Variants in MACROD2 observed in about 807,000 individuals in gnomAD.
The protein encoded by MACROD2 is ADP-ribose glycohydrolase MACROD2.
In MACROD2, 36 loss-of-function variants were observed where a neutral mutation model predicts 70.4. The observed-to-expected ratio is 0.51, with a 90% CI of 0.39 to 0.68. MACROD2 has a LOEUF of 0.68. Among genes scored for constraint, MACROD2 ranks in the 30% least tolerant of loss-of-function variants. The pLI is 0.00. For synonymous variants in MACROD2, 172 were observed against 178.8 expected, an observed-to-expected ratio of 0.96 and a Z score of 0.30; for missense variants, 496 against 538.4, an observed-to-expected ratio of 0.92 and a Z score of 0.78.
chr20:14,431,680 G>A (rs17226992), intron 3 of MACROD2, among the ~76,000 whole-genome samples: 3,770 of 152,190 alleles, frequency 0.025, 78 homozygotes, highest in Non-Finnish European at 0.038. Flanking sequence ...GAAAGGCATC[G>A]AATAACTATA....
intron 5 of MACROD2, among the ~76,000 whole-genome samples, chr20:14,763,779 C>T (rs566843866): frequency 2.0e-5 from 3 of 152,164 alleles, no homozygotes; most frequent in East Asian, 1.9e-4. Flanking sequence ...CACTGCCTAT[C>T]GGATAGCTGA....
intron 3 of MACROD2, among the ~76,000 whole-genome samples, chr20:14,389,159 C>T (rs1208816268): frequency 1.3e-5 from 2 of 151,856 alleles, no homozygotes; most frequent in Admixed American, 6.6e-5. Context: ...GGATTACAGG[C>T]GTGAGCCACC....
chr20:14,887,539 C>T (rs2073694923), intron 5 of MACROD2, among the ~76,000 whole-genome samples: 2 of 151,666 alleles, frequency 1.3e-5, no homozygotes, highest in Non-Finnish European at 2.9e-5. Context: ...AGTACAGGCA[C>T]ACCCAGCTAA....
intron 2 of MACROD2, among the ~76,000 whole-genome samples, chr20:14,012,893 A>G (rs2052933690): frequency 6.6e-6 from 1 of 152,180 alleles, no homozygotes; most frequent in Non-Finnish European, 1.5e-5. Context: ...GTAGTACAGT[A>G]TGTACTGTGG....
chr20:14,154,794 C>G (rs1459280790), intron 3 of MACROD2, among the ~76,000 whole-genome samples: 2 of 152,126 alleles, frequency 1.3e-5, no homozygotes, highest in African/African-American at 4.8e-5. Context: ...GTGCCTGTAG[C>G]TGTTCATCTT....
intron 4 of MACROD2, among the ~76,000 whole-genome samples, chr20:14,659,033 C>T (rs1005042865): frequency 6.6e-6 from 1 of 152,172 alleles, no homozygotes; most frequent in African/African-American, 2.4e-5. Flanking sequence ...GTTTCTGATT[C>T]GGTAGGTCTG....
chr20:15,777,458 C>G (rs2051741356), intron 8 of MACROD2, among the ~76,000 whole-genome samples: 1 of 149,408 alleles, frequency 6.7e-6, no homozygotes, highest in African/African-American at 2.5e-5. Context: ...TTTCATCACA[C>G]TGTTGGTTAG....
At chr20:14,771,670 C>CATAT (rs371522214) in intron 5 of MACROD2, among the ~76,000 whole-genome samples, 1 of 133,448 alleles carries the variant, frequency 7.5e-6, no homozygotes, top group Admixed American at 7.5e-5. Flanking sequence ...CACACACACA[C>CATAT]ATATATATAT....
intron 8 of MACROD2, among the ~76,000 whole-genome samples, chr20:15,700,015 C>T (rs991092495): frequency 6.6e-6 from 1 of 152,158 alleles, no homozygotes; most frequent in African/African-American, 2.4e-5. Flanking sequence ...TTTCTGCAAA[C>T]AGACCTTCAG....
chr20:14,969,987 A>C (rs2423883), intron 5 of MACROD2, among the ~76,000 whole-genome samples: 1 of 152,084 alleles, frequency 6.6e-6, no homozygotes, highest in South Asian at 2.1e-4. Context: ...CGTCATCATC[A>C]TCATTGTAAT....
intron 8 of MACROD2, among the ~76,000 whole-genome samples, chr20:15,795,411 G>A (rs1368536190): frequency 3.9e-5 from 6 of 152,016 alleles, no homozygotes; most frequent in South Asian, 2.1e-4. Context: ...AAGAGAAGAC[G>A]ACATTTGATT....
At chr20:15,683,209 T>G (rs6043438) in intron 8 of MACROD2, among the ~76,000 whole-genome samples, 45,099 of 152,040 alleles carry the variant, frequency 0.3, 8,149 homozygotes, top group African/African-American at 0.51. Context: ...TCTGCCAGAG[T>G]TGCAGCCTGT....
intron 8 of MACROD2, among the ~76,000 whole-genome samples, chr20:15,835,726 T>A (rs1412470746): frequency 6.6e-6 from 1 of 152,188 alleles, no homozygotes; most frequent in Non-Finnish European, 1.5e-5. Flanking sequence ...AGCAGTTAAT[T>A]TGTCCAAAGT....
intron 4 of MACROD2, among the ~76,000 whole-genome samples, chr20:14,660,608 G>T (rs1348270257): frequency 6.6e-6 from 1 of 152,104 alleles, no homozygotes; most frequent in African/African-American, 2.4e-5. Flanking sequence ...ATTGTGTGAT[G>T]CTGAGGTTTG....
At chr20:15,553,685 T>G (rs2048127998) in intron 8 of MACROD2, among the ~76,000 whole-genome samples, 1 of 152,090 alleles carries the variant, frequency 6.6e-6, no homozygotes, top group African/African-American at 2.4e-5. Flanking sequence ...CTCCCAAAAT[T>G]CCAGGATTAC....
intron 7 of MACROD2, among the ~76,000 whole-genome samples, chr20:15,494,736 G>GGTGTGTGTGTGT (rs550716316): frequency 2.7e-5 from 3 of 110,142 alleles, no homozygotes; most frequent in Admixed American, 8.6e-5. Context: ...TGCATAATGG[G>GGTGTGTGTGTGT]GTGTGTGTGT....
At chr20:15,054,622 A>G (rs1195696668) in intron 5 of MACROD2, among the ~76,000 whole-genome samples, 1 of 152,164 alleles carries the variant, frequency 6.6e-6, no homozygotes, top group East Asian at 1.9e-4. Context: ...TGTGTGACTC[A>G]TTTTATTGTG....
At chr20:14,470,772 C>T (rs2084520708) in intron 3 of MACROD2, among the ~76,000 whole-genome samples, 3 of 152,088 alleles carry the variant, frequency 2.0e-5, no homozygotes, top group African/African-American at 7.2e-5. Context: ...ACGCCCCTTC[C>T]CCCACCAAGC....
At chr20:15,485,831 T>C (rs370884813) in intron 7 of MACROD2, among the ~76,000 whole-genome samples, 31 of 152,296 alleles carry the variant, frequency 2.0e-4, no homozygotes, top group African/African-American at 7.2e-4. Flanking sequence ...CAGTAACTTA[T>C]GTATGGGTAA....
Sources: allele counts gnomAD v4.1 joint callset (sites outside exome capture counted in the v4.1 genomes callset), GRCh38; gene constraint gnomAD v4.1.1; transcripts MANE v1.5; gene names NCBI Gene and HGNC (gene_info 2026-07-23, HGNC 2026-07-21).